The following MUC5B variants were observed in gnomAD, a reference collection of about 807,000 sequenced individuals.
MUC5B encodes mucin 5B, oligomeric mucus/gel-forming.
Under a neutral mutation model 376.9 loss-of-function variants are expected in MUC5B, and 116 were observed. The observed-to-expected ratio is 0.31, with a 90% confidence interval of 0.26 to 0.36. The LOEUF is 0.36. Among genes scored for constraint, MUC5B ranks in the 10% least tolerant of loss-of-function variants. The pLI is 1.00. For missense variants in MUC5B, 7,165 were observed against 7,769.9 expected, an observed-to-expected ratio of 0.92 and a Z score of 2.93; for synonymous variants, 3,517 against 3,390.9, an observed-to-expected ratio of 1.04 and a Z score of -1.29.
Position 1,234,320 on chromosome 11 carries a change from TCAGGGAGGGGTGGG to T in MUC5B, c.2478+22_2478+35del. The T allele has an allele frequency of 9.4e-7, 1 of 1,062,168 alleles. No individual in the cohort carries two copies. Among genetic ancestry groups the T allele is most frequent in the Non-Finnish European group, 1.5e-6 (1 of 689,248 alleles). 65.8% of individuals were successfully genotyped at this position (1,062,168 alleles called of 1,614,324 possible). On this transcript the variant is annotated intron_variant, in intron 20 of 48. Transcript: ENST00000529681. This position sits in a 1 kb window ranked among gnomAD's most constrained non-coding sequence, Gnocchi z 6.3. ...ACGTGGGCTGTGTGAGTTCCATGCT[TCAGGGAGGGGTGGG>T]CAGGGAAGGGGTCCCAGCTTTCCCA... is the stretch of plus-strand genomic sequence containing the variant.
intron 9 of MUC5B, among the ~76,000 whole-genome samples, 166 bp from the exon 10 acceptor site, chr11:1,229,524 C>T (rs1195927428): frequency 1.3e-5 from 2 of 152,084 alleles, no homozygotes; most frequent in Non-Finnish European, 2.9e-5. Flanking sequence ...AAACTGAGGC[C>T]CAGAGGTGCT....
chr11:1,236,657 G>A (rs919953108), intron 24 of MUC5B, 95 bp downstream of exon 24: 38 of 1,323,756 alleles, frequency 2.9e-5, no homozygotes, highest in Middle Eastern at 2.5e-4. Context: ...TCGCTGACCC[G>A]TGGGTGCGTG....
intron 30 of MUC5B, among the ~76,000 whole-genome samples, chr11:1,240,601 C>T (rs1244140173): frequency 6.6e-6 from 1 of 152,244 alleles, no homozygotes; most frequent in African/African-American, 2.4e-5. Flanking sequence ...GACAATAAAG[C>T]TTTCCTGGAC....
rs766463162 is a variant in MUC5B at position 1,251,208 on chromosome 11, C to T, written c.14328C>T (p.Ser4776=). 5.0e-5 allele frequency: 80 copies of T among 1,611,418 alleles called. 1 individual carries two copies. In the South Asian group the frequency reaches 7.4e-4, roughly 15 times the overall value. ...AQTTTPMSTM[S]TIHTSSTPET... ...CCACCACACCCATGTCCACCATGTC[C>T]ACAATCCACACCTCCTCTACTCCAG... The change falls in exon 31 of 49, where the codon TCC becomes TCT. Residue 4776 remains serine, a synonymous_variant. Coordinates refer to ENST00000529681, the MANE Select transcript of MUC5B (RefSeq NM_002458.3).
At chr11:1,254,956 G>A in intron 35 of MUC5B, 76 bp downstream of exon 35, 7 of 1,353,632 alleles carry the variant, frequency 5.2e-6, no homozygotes, top group Non-Finnish European at 7.2e-6. Flanking sequence ...GGGGAAGCCT[G>A]GGGAGGGGAA....
In MUC5B at chr11:1,223,275, C is replaced by T. The variant is rs1398528699; in HGVS notation, c.70+82C>T. ...CAGGTCGCTTGCCTGGGAGCTTCTC[C>T]TGCAGAGTGCACGGGCAGATCCCCC... On this transcript the variant is annotated intron_variant, in intron 1 of 48. Transcript: ENST00000529681. 2.0e-5 allele frequency: 14 copies of T among 701,398 alleles called. No individual in the cohort carries two copies. In the East Asian group the frequency reaches 3.5e-4, roughly 18 times the overall value. 43.4% of individuals were successfully genotyped at this position (701,398 alleles called of 1,614,324 possible). A position where few individuals can be genotyped will look rare whatever the true frequency, so the allele number is the denominator to read the frequency against.
rs971873452 is a variant in MUC5B, at chr11:1,235,623, G to A, written c.2880+210G>A. 1.0e-5 allele frequency: 6 copies of A among 594,440 alleles called. No individual in the cohort carries two copies. The Admixed American group carries it at 1.7e-4, about 17-fold the overall frequency. The allele number at this position is 594,440 out of a possible 1,614,324, so 36.8% of individuals were successfully genotyped here. ...CGGAAGTCAGAGATCCAGGCGGGCA[G>A]GGCCACACTCCCTGTCGAGGGTCTG... is the stretch of plus-strand genomic sequence containing the variant. On this transcript the variant is annotated intron_variant, in intron 23 of 48. Coordinates refer to ENST00000529681, the MANE Select transcript of MUC5B (RefSeq NM_002458.3).
chr11:1,229,958 C>T, intron 10 of MUC5B, 47 bp from the exon 11 acceptor site: 2 of 1,560,472 alleles, frequency 1.3e-6, no homozygotes, highest in East Asian at 2.3e-5. Context: ...AGGGTGGGGC[C>T]CACCTCCTCC....
intron 12 of MUC5B, 28 bp from the exon 13 acceptor site, chr11:1,230,908 C>G (rs1564932880): frequency 1.3e-6 from 2 of 1,564,472 alleles, no homozygotes; most frequent in Non-Finnish European, 8.7e-7. Context: ...CTCCCCAGAG[C>G]TGACCTCCCG....
At chr11:1,237,549 G>T (rs1225339005) in intron 25 of MUC5B, among the ~76,000 whole-genome samples, 1 of 152,198 alleles carries the variant, frequency 6.6e-6, no homozygotes, top group Non-Finnish European at 1.5e-5. Flanking sequence ...AGGAATCAGA[G>T]ATCTGCCCTA....
chr11:1,251,510 C>T lies in MUC5B; in HGVS notation c.14630C>T (p.Pro4877Leu). Reference protein sequence around the residue: ...ASSTLGTAHTPKVVTTMATMP... With the variant: ...ASSTLGTAHTLKVVTTMATMP... ...TCCACTCTGGGAACAGCTCACACCCCCAAAGTGGTGACCACCATGGCCACT... is the reference window on the plus strand; with the variant it reads ...TCCACTCTGGGAACAGCTCACACCCTCAAAGTGGTGACCACCATGGCCACT... The change falls in exon 31 of 49, where the codon CCC (proline) becomes CTC (leucine). Residue 4877 changes from proline (P) to leucine (L), a missense_variant. This residue lies in a region of MUC5B where 730 missense variants were observed against 592.7 expected (regional missense o/e 1.23). Coordinates refer to ENST00000529681, the MANE Select transcript of MUC5B (RefSeq NM_002458.3). 1.9e-6 allele frequency: 3 copies of T among 1,581,866 alleles called. No individual in the cohort carries two copies. The highest frequency in any genetic ancestry group is 1.1e-5 in the South Asian group (1 of 90,180).
At chr11:1,235,895 A>T (rs974926919) in intron 23 of MUC5B, among the ~76,000 whole-genome samples, 3 of 151,684 alleles carry the variant, frequency 2.0e-5, no homozygotes, top group South Asian at 2.1e-4. Flanking sequence ...GCCCGGGCTG[A>T]GGTTCTGGGA....
At position 1,247,042 on chromosome 11, in the gene MUC5B, C is replaced by G. The variant is rs1425874148; in HGVS notation, c.10162C>G (p.Pro3388Ala). The change falls in exon 31 of 49, where the codon CCA becomes GCA. Residue 3388 changes from proline to alanine, a missense_variant. Pro to Ala is a conservative substitution (Grantham distance 27). Coordinates refer to ENST00000529681, the MANE Select transcript of MUC5B (RefSeq NM_002458.3). ...SSSTQTSGTP[P>A]SLTTTATTIT... ...TAGCACACAGACCAGTGGTACTCCC[C>G]CATCACTGACCACCACGGCCACTAC... 4.0e-5 allele frequency: 62 copies of G among 1,553,966 alleles called. No individual in the cohort carries two copies. The highest frequency in any genetic ancestry group is 5.3e-5 in the Non-Finnish European group (61 of 1,148,558).
chr11:1,247,304 C>G lies in MUC5B; in HGVS notation c.10424C>G (p.Thr3475Ser), dbSNP rs1488981930. Residue 3475 changes from threonine to serine, a missense_variant, in exon 31 of 49, where the codon ACC becomes AGC. This residue lies in a region of MUC5B where 939 missense variants were observed against 770.6 expected (regional missense o/e 1.22). Coordinates refer to ENST00000529681, the MANE Select transcript of MUC5B (RefSeq NM_002458.3). ...HTVRTAWTSA[T>S]SGILGTTHIT... The stretch of plus-strand genomic sequence containing the variant: ...GTGCGCACAGCCTGGACTTCGGCCA[C>G]CTCGGGCATCTTGGGCACCACCCAC... The G allele has an allele frequency of 1.1e-5, 18 of 1,611,544 alleles. No individual in the cohort carries two copies. In the Admixed American group the frequency reaches 1.3e-4, roughly 12 times the overall value.
At chr11:1,235,503 C>T in intron 23 of MUC5B, 90 bp downstream of exon 23, 3 of 1,120,972 alleles carry the variant, frequency 2.7e-6, no homozygotes, top group East Asian at 2.6e-5. Context: ...GCTGCACCCA[C>T]AGGTTCTCAG....
Position 1,242,162 on chromosome 11 carries a change from G to C in MUC5B, c.5282G>C (p.Ser1761Thr). The change falls in exon 31 of 49, where the codon AGC becomes ACC. Residue 1761 changes from serine (S) to threonine (T), a missense_variant. Around this residue, in one of 31 missense-constraint regions of MUC5B, gnomAD observed 897 missense variants for 779.6 expected, o/e 1.15. Transcript: ENST00000529681. The part of the protein sequence containing the change: ...SELSTSQAET[S>T]TPRTETTMSP... ...CTGTCCACCTCTCAGGCCGAGACCA[G>C]CACGCCCAGGACAGAGACGACAATG... The C allele has an allele frequency of 6.2e-7, 1 of 1,613,490 alleles. No individual in the cohort carries two copies. Among genetic ancestry groups the C allele is most frequent in the South Asian group, 1.1e-5 (1 of 91,082 alleles).
In MUC5B at chr11:1,257,453, G is replaced by A; in HGVS notation, c.16270-77G>A. 2.0e-6 allele frequency: 3 copies of A among 1,536,736 alleles called. No homozygotes were observed. Among genetic ancestry groups the A allele is most frequent in the Non-Finnish European group, 2.7e-6 (3 of 1,127,846 alleles). On this transcript the variant is annotated intron_variant, in intron 40 of 48. Transcript: ENST00000529681. The surrounding 1 kb of genome is among the most constrained non-coding windows in gnomAD (Gnocchi z 8.9). Reference sequence around the variant, plus strand: ...GCCACTCGGGTACCAGCCCGAGGGAGGGGGTGGCTGGACAGATGCCCAGGG... The same window carrying A: ...GCCACTCGGGTACCAGCCCGAGGGAAGGGGTGGCTGGACAGATGCCCAGGG...
In MUC5B at chr11:1,234,036, C is replaced by T. The variant is rs1590172019; in HGVS notation, c.2378-169C>T. On this transcript the variant is annotated intron_variant, in intron 19 of 48. Transcript: ENST00000529681. The surrounding 1 kb of genome is among the most constrained non-coding windows in gnomAD (Gnocchi z 6.3). ...GGACGGAGGGGCCAGTGGGTCTCTG[C>T]CCCGCAGTGTGGCCGGGGTGTCCTG... 1.3e-5 allele frequency among the ~76,000 whole-genome samples: 2 copies of T among 152,182 alleles called. No homozygotes were observed. Among genetic ancestry groups the T allele is most frequent in the South Asian group, 4.1e-4 (2 of 4,824 alleles).
intron 47 of MUC5B, 29 bp from the exon 48 acceptor site, chr11:1,260,597 G>A: frequency 1.9e-6 from 3 of 1,586,822 alleles, no homozygotes; most frequent in Non-Finnish European, 2.6e-6. Context: ...GGTCCAGTGG[G>A]GCTCCACATC....
Sources: gnomAD v4.1 joint callset for allele counts (sites outside exome capture counted in the v4.1 genomes callset) on GRCh38, gnomAD v4.1.1 for gene constraint, gnomAD v4.1.1 regional missense constraint, Gnocchi (gnomAD v3.1) non-coding constraint, MANE v1.5 for transcripts, NCBI Gene and HGNC (gene_info 2026-07-23, HGNC 2026-07-21) for gene names.